MLLT1: variants seen among roughly 807,000 people sequenced by gnomAD.
MLLT1 encodes the protein protein ENL.
In MLLT1, 11 loss-of-function variants were observed where a neutral mutation model predicts 55.1. The ratio of observed to expected loss-of-function variants is 0.20; its 90% CI spans 0.13 to 0.33. The LOEUF (loss-of-function observed/expected upper bound fraction) is 0.33. Among genes scored for constraint, MLLT1 ranks in the 10% least tolerant of loss-of-function variants. The pLI is 1.00. For synonymous variants in MLLT1, 323 were observed against 320.1 expected (o/e 1.01, Z -0.10); for missense variants, 536 against 760.6 (o/e 0.70, Z 3.47).
Position 6,229,459 on chromosome 19 carries a change from G to T in MLLT1, c.420+1111C>A, listed in dbSNP as rs539129073. Among the ~76,000 whole-genome samples the T allele has an allele frequency of 6.6e-6, 1 of 151,942 alleles. No individual in the cohort carries two copies. Among genetic ancestry groups the T allele is most frequent in the South Asian group, 2.1e-4 (1 of 4,816 alleles). On this transcript the variant is annotated intron_variant, in intron 4 of 11. Coordinates refer to ENST00000252674, the MANE Select transcript of MLLT1 (RefSeq NM_005934.4). The surrounding 1 kb of genome is among the most constrained non-coding windows in gnomAD (Gnocchi z 5.2). Reference sequence around the variant, plus strand: ...TCCCCAGCCTGACACCCACAGCCACGGTGCCCCAAATCCACTCAGGAGGCG... The same window carrying T: ...TCCCCAGCCTGACACCCACAGCCACTGTGCCCCAAATCCACTCAGGAGGCG...
chr19:6,237,138 C>A (rs2091070239), intron 3 of MLLT1, among the ~76,000 whole-genome samples: 1 of 152,248 alleles, frequency 6.6e-6, no homozygotes, highest in African/African-American at 2.4e-5. Context: ...GGATGAGGAT[C>A]ACAGGCGCCG....
At chr19:6,239,707 T>C (rs562928105) in intron 3 of MLLT1, among the ~76,000 whole-genome samples, 1 of 151,620 alleles carries the variant, frequency 6.6e-6, no homozygotes, top group South Asian at 2.1e-4. Flanking sequence ...CACACCCGTG[T>C]ACACACACAC....
intron 1 of MLLT1, among the ~76,000 whole-genome samples, chr19:6,272,637 G>A (rs1352710103): frequency 1.3e-5 from 2 of 152,230 alleles, no homozygotes; most frequent in African/African-American, 4.8e-5. Context: ...CTCTCTGAGA[G>A]CAGGGACTAC....
rs1164609813 is a variant in MLLT1 at position 6,222,123 on chromosome 19, C to T, written c.1108G>A (p.Glu370Lys). Residue 370 changes from glutamate to lysine, a missense_variant and splice_region_variant, in exon 6 of 12, where the codon GAG (glutamate) becomes AAG (lysine). Coordinates refer to ENST00000252674, the MANE Select transcript of MLLT1 (RefSeq NM_005934.4). The surrounding 1 kb of genome is among the most constrained non-coding windows in gnomAD (Gnocchi z 4.1). ...NSEDEASFKSESAQSSPSNSS... is the reference protein window; with the variant it reads ...NSEDEASFKSKSAQSSPSNSS... ...CCCTGCCCCCAGCACTCACTCACCTCGGACTTGAAGGAGGCCTCGTCCTCT... is the reference window on the plus strand; with the variant it reads ...CCCTGCCCCCAGCACTCACTCACCTTGGACTTGAAGGAGGCCTCGTCCTCT... 3.3e-6 allele frequency: 5 copies of T among 1,512,406 alleles called. No homozygotes were observed. The highest frequency in any genetic ancestry group is 2.4e-5 in the East Asian group (1 of 42,106). The allele number at this position is 1,512,406 out of a possible 1,614,324, so 93.7% of individuals were successfully genotyped here. A position where few individuals can be genotyped will look rare whatever the true frequency, so the allele number is the denominator to read the frequency against.
rs1349187916 is a variant in MLLT1, at chr19:6,235,415, CCCTG to C, written c.277-4706_277-4703del. Among the ~76,000 whole-genome samples the C allele has an allele frequency of 6.6e-6, 1 of 152,198 alleles. No homozygotes were observed. Among genetic ancestry groups the C allele is most frequent in the Non-Finnish European group, 1.5e-5 (1 of 68,016 alleles). On this transcript the variant is annotated intron_variant, in intron 3 of 11. Transcript: ENST00000252674. The surrounding 1 kb of genome is among the most constrained non-coding windows in gnomAD (Gnocchi z 5.5). Reference sequence around the variant, plus strand: ...AATGCCACAGCCACAGTGCTCAGCACCCTGCCTATCACCCACAGAAGCCGTGAGT... The same window carrying C: ...AATGCCACAGCCACAGTGCTCAGCACCCTATCACCCACAGAAGCCGTGAGT...
At position 6,222,244 on chromosome 19, in the gene MLLT1, C is replaced by A; in HGVS notation, c.987G>T (p.Pro329=). ...CTCTGGTGCTGCTCTTGTCCTTGGC[C>A]GGCTTCTTGTCCGAGAAGGAGGAGG... ...SSSSSFSDKK[P]AKDKSSTRGE... is the part of the protein sequence containing the mutation. Residue 329 remains proline (P), a synonymous_variant, in exon 6 of 12, where the codon CCG becomes CCT. Coordinates refer to ENST00000252674, the MANE Select transcript of MLLT1 (RefSeq NM_005934.4). This position sits in a 1 kb window ranked among gnomAD's most constrained non-coding sequence, Gnocchi z 4.1. 1.2e-6 allele frequency: 2 copies of A among 1,613,178 alleles called. No individual in the cohort carries two copies. Among genetic ancestry groups the A allele is most frequent in the Non-Finnish European group, 8.5e-7 (1 of 1,179,740 alleles).
At chr19:6,243,783 C>T (rs1282601918) in intron 3 of MLLT1, among the ~76,000 whole-genome samples, 1 of 152,160 alleles carries the variant, frequency 6.6e-6, no homozygotes, top group African/African-American at 2.4e-5. Context: ...GTGGCTCACG[C>T]CTGTAATCCC....
chr19:6,267,294 G>C (rs1267680687), intron 2 of MLLT1, among the ~76,000 whole-genome samples: 1 of 151,658 alleles, frequency 6.6e-6, no homozygotes, highest in Admixed American at 6.6e-5. Context: ...AGTAGAGACC[G>C]AGTTTCAGCA....
chr19:6,213,433 C>T, intron 10 of MLLT1, 25 bp from the exon 11 acceptor site: 2 of 1,587,098 alleles, frequency 1.3e-6, no homozygotes, highest in Non-Finnish European at 1.7e-6. Flanking sequence ...CAGGTCTCAG[C>T]AGCGTGTGGG....
At position 6,231,778 on chromosome 19, in the gene MLLT1, G is replaced by T. The variant is rs1015960061; in HGVS notation, c.277-1065C>A. ...AGCCTCCCAAAGTGCTGGGATTACA[G>T]GTGTGAGCCACCGCGCCCAGCTGAA... On this transcript the variant is annotated intron_variant, in intron 3 of 11. Transcript: ENST00000252674. The surrounding 1 kb of genome is among the most constrained non-coding windows in gnomAD (Gnocchi z 5.1). Among the ~76,000 whole-genome samples, 1 of 152,012 alleles carries T rather than the reference G, an allele frequency of 6.6e-6. No individual in the cohort carries two copies. Among genetic ancestry groups the T allele is most frequent in the Non-Finnish European group, 1.5e-5 (1 of 68,034 alleles).
intron 3 of MLLT1, among the ~76,000 whole-genome samples, chr19:6,238,243 G>C (rs1600191181): frequency 6.6e-6 from 1 of 152,202 alleles, no homozygotes; most frequent in African/African-American, 2.4e-5. Context: ...AGAGCTGACT[G>C]TGTGTGTGAG....
chr19:6,257,878 T>C (rs761395777), intron 3 of MLLT1, among the ~76,000 whole-genome samples: 1 of 152,090 alleles, frequency 6.6e-6, no homozygotes, highest in Non-Finnish European at 1.5e-5. Context: ...CCAGCAAGCA[T>C]GTGAAAAGAC....
rs115869034 is a variant in MLLT1, at chr19:6,215,246, G to A, written c.1307+1159C>T. Among the ~76,000 whole-genome samples, 229 of 152,354 alleles carry A rather than the reference G, an allele frequency of 1.5e-3. 2 individuals carry two copies. Among genetic ancestry groups the A allele is most frequent in the African/African-American group, 5.1e-3 (212 of 41,582 alleles). On this transcript the variant is annotated intron_variant, in intron 8 of 11. Coordinates refer to ENST00000252674, the MANE Select transcript of MLLT1 (RefSeq NM_005934.4). Reference sequence around the variant, plus strand: ...CGGGAGGAATCAAAAGGCGCTTCGCGTGTGGCTCGGTCCCTGTGCCGTGCC... The same window carrying A: ...CGGGAGGAATCAAAAGGCGCTTCGCATGTGGCTCGGTCCCTGTGCCGTGCC...
rs1366620332 is a variant in MLLT1 at position 6,229,757 on chromosome 19, CCA to C, written c.420+811_420+812del. ...TGCCACACACTGTACATGCCACACC[CCA>C]CACATACACACGACACACACCCCAT... On this transcript the variant is annotated intron_variant, in intron 4 of 11. Transcript: ENST00000252674. The surrounding 1 kb of genome is among the most constrained non-coding windows in gnomAD (Gnocchi z 5.2). 6.6e-6 allele frequency among the ~76,000 whole-genome samples: 1 copy of C among 151,708 alleles called. No individual in the cohort carries two copies. The highest frequency in any genetic ancestry group is 2.4e-5 in the African/African-American group (1 of 41,260).
At chr19:6,260,754 G>C (rs938590663) in intron 3 of MLLT1, among the ~76,000 whole-genome samples, 1 of 152,272 alleles carries the variant, frequency 6.6e-6, no homozygotes, top group African/African-American at 2.4e-5. Context: ...GCTGAGGTGG[G>C]AGGATCGCTT....
Position 6,211,499 on chromosome 19 carries a change from G to C in MLLT1, c.*1543C>G. 1 of 586,676 alleles carries C rather than the reference G, an allele frequency of 1.7e-6. No individual in the cohort carries two copies. Among genetic ancestry groups the C allele is most frequent in the Non-Finnish European group, 2.3e-6 (1 of 441,832 alleles). 36.3% of individuals were successfully genotyped at this position (586,676 alleles called of 1,614,324 possible). A position where few individuals can be genotyped will look rare whatever the true frequency, so the allele number is the denominator to read the frequency against. The stretch of plus-strand genomic sequence containing the variant: ...CAGAATCAGAGCAGGGACAAGATGA[G>C]GGACCTCAGGGAGGGACAGATGGAG... On this transcript the variant is annotated 3_prime_UTR_variant, in exon 12 of 12. Transcript: ENST00000252674. The surrounding 1 kb of genome is among the most constrained non-coding windows in gnomAD (Gnocchi z 4.6).
rs1169973736 is a variant in MLLT1 at position 6,213,370 on chromosome 19, C to T, written c.1518G>A (p.Leu506=). ...GCACGTTGCGCTCCCGCAGCGCCAT[C>T]AGCCTCCGGTGTAGCTCCACCAGCT... ...TDELVELHRR[L]MALRERNVLQ... The change falls in exon 11 of 12, where the codon CTG becomes CTA. Residue 506 remains leucine (L), a synonymous_variant. Coordinates refer to ENST00000252674, the MANE Select transcript of MLLT1 (RefSeq NM_005934.4). The T allele has an allele frequency of 3.7e-6, 6 of 1,612,186 alleles. No homozygotes were observed. The highest frequency in any genetic ancestry group is 3.4e-6 in the Non-Finnish European group (4 of 1,179,924).
chr19:6,276,414 C>G (rs973758106), intron 1 of MLLT1, among the ~76,000 whole-genome samples: 2 of 152,160 alleles, frequency 1.3e-5, no homozygotes, highest in African/African-American at 4.8e-5. Context: ...CAAACTTTCC[C>G]CGCTGAAGAA....
intron 6 of MLLT1, 144 bp from the exon 7 acceptor site, chr19:6,218,185 G>A: frequency 7.7e-7 from 1 of 1,291,048 alleles, no homozygotes; most frequent in Non-Finnish European, 1.0e-6. Context: ...ACCCACGTGT[G>A]CCGCTGAGAA....
Sources: allele counts gnomAD v4.1 joint callset (sites outside exome capture counted in the v4.1 genomes callset), GRCh38; gene constraint gnomAD v4.1.1; non-coding constraint Gnocchi (gnomAD v3.1); transcripts MANE v1.5; gene names NCBI Gene and HGNC (gene_info 2026-07-23, HGNC 2026-07-21).